CSNK1G3: variants seen among roughly 807,000 people sequenced by gnomAD.
CSNK1G3 encodes the protein casein kinase I isoform gamma-3.
CSNK1G3 carries 23 observed loss-of-function variants against 64.3 expected under a neutral mutation model. The observed-to-expected ratio is 0.36, with a 90% confidence interval of 0.26 to 0.51. The LOEUF is 0.51. CSNK1G3 is among the 20% of genes least tolerant of loss of function. CSNK1G3 has a pLI of 0.96. For synonymous variants in CSNK1G3, 158 were observed against 162.2 expected (o/e 0.97, Z 0.20); for missense variants, 357 against 510.5 (o/e 0.70, Z 2.90).
intron 6 of CSNK1G3, among the ~76,000 whole-genome samples, chr5:123,586,727 A>G (rs1402439042): frequency 1.3e-5 from 2 of 152,222 alleles, no homozygotes; most frequent in Admixed American, 6.5e-5. Flanking sequence ...AAACACAAAC[A>G]TAGTATCTTT....
At chr5:123,514,152 G>A (rs906099139) in intron 1 of CSNK1G3, among the ~76,000 whole-genome samples, 1 of 152,156 alleles carries the variant, frequency 6.6e-6, no homozygotes, top group Non-Finnish European at 1.5e-5. Flanking sequence ...TTAAATAGAA[G>A]TAATTATTGA....
intron 1 of CSNK1G3, among the ~76,000 whole-genome samples, chr5:123,541,285 C>CCT (rs1226758260): frequency 2.0e-5 from 3 of 151,992 alleles, no homozygotes; most frequent in Non-Finnish European, 4.4e-5. Context: ...ATGAAATGCA[C>CCT]CTCTGTAAAT....
At chr5:123,549,959 A>T (rs956472184) in intron 2 of CSNK1G3, among the ~76,000 whole-genome samples, 1 of 152,150 alleles carries the variant, frequency 6.6e-6, no homozygotes, top group African/African-American at 2.4e-5. Context: ...TTATTCCTAC[A>T]TAGCTAATAA....
Position 123,583,369 on chromosome 5 carries a change from T to C in CSNK1G3, c.674-4699T>C, listed in dbSNP as rs546864445. Among the ~76,000 whole-genome samples the C allele has an allele frequency of 1.6e-4, 25 of 152,092 alleles. No homozygotes were observed. The South Asian group carries it at 5.0e-3, about 30-fold the overall frequency. ...GAGTATAGAAATCCAGTTTTTTTTT[T>C]TTTTTTTTGAGACTGAGTTTCGCTC... On this transcript the variant is annotated intron_variant, in intron 6 of 12. Coordinates refer to ENST00000345990, the Ensembl canonical transcript of CSNK1G3.
intron 2 of CSNK1G3, among the ~76,000 whole-genome samples, chr5:123,547,030 G>T (rs1313178074): frequency 1.3e-5 from 2 of 152,108 alleles, no homozygotes; most frequent in African/African-American, 4.8e-5. Context: ...AGACTTTGGA[G>T]TTAGAGAAAA....
chr5:123,526,505 T>C (rs1051006315), intron 1 of CSNK1G3, among the ~76,000 whole-genome samples: 1 of 152,212 alleles, frequency 6.6e-6, no homozygotes, highest in Non-Finnish European at 1.5e-5. Flanking sequence ...AGTTTTTCTC[T>C]CTAAAATTCA....
chr5:123,517,878 C>T (rs1777443372), intron 1 of CSNK1G3, among the ~76,000 whole-genome samples: 1 of 149,040 alleles, frequency 6.7e-6, no homozygotes, highest in African/African-American at 2.5e-5. Context: ...AAAACATCAT[C>T]TTTCCTAGTT....
intron 4 of CSNK1G3, among the ~76,000 whole-genome samples, chr5:123,569,974 T>C (rs1787750298): frequency 6.6e-6 from 1 of 152,194 alleles, no homozygotes; most frequent in Non-Finnish European, 1.5e-5. Context: ...TCTTAAGGTT[T>C]TTGCCATTTC....
intron 10 of CSNK1G3, among the ~76,000 whole-genome samples, chr5:123,601,544 C>G (rs1001161886): frequency 3.3e-5 from 5 of 152,128 alleles, no homozygotes; most frequent in Non-Finnish European, 7.4e-5. Context: ...GGGTTTGAAA[C>G]ATTTCAATAA....
chr5:123,560,377 A>C (rs1785446350), intron 4 of CSNK1G3, among the ~76,000 whole-genome samples: 1 of 152,244 alleles, frequency 6.6e-6, no homozygotes, highest in African/African-American at 2.4e-5. Context: ...GGATATATAC[A>C]TAAAATAATT....
chr5:123,610,433 T>C (rs577780441), intron 12 of CSNK1G3, among the ~76,000 whole-genome samples: 2 of 152,204 alleles, frequency 1.3e-5, no homozygotes, highest in South Asian at 2.1e-4. Context: ...TGAGTCATCT[T>C]AGAAGGGATA....
chr5:123,547,741 CTATA>C (rs1350555589), intron 2 of CSNK1G3, among the ~76,000 whole-genome samples: 5 of 151,918 alleles, frequency 3.3e-5, no homozygotes, highest in Non-Finnish European at 7.4e-5. Context: ...TGTATTATCT[CTATA>C]TATCTGTGTT....
exon 3 of CSNK1G3, chr5:123,553,108 G>A: frequency 7.2e-7 from 1 of 1,385,778 alleles, no homozygotes; most frequent in Non-Finnish European, 9.7e-7. Flanking sequence ...TTTTTCAAGG[G>A]AAAAATTTAT....
intron 1 of CSNK1G3, among the ~76,000 whole-genome samples, chr5:123,517,146 A>G (rs560761379): frequency 1.1e-3 from 161 of 152,320 alleles, no homozygotes; most frequent in African/African-American, 3.6e-3. Flanking sequence ...GGAACACCCT[A>G]TTACAGGAAA....
chr5:123,549,101 A>C (rs1014217258), intron 2 of CSNK1G3, among the ~76,000 whole-genome samples: 1 of 152,196 alleles, frequency 6.6e-6, no homozygotes, highest in Non-Finnish European at 1.5e-5. Flanking sequence ...AAGTTGAAAT[A>C]TCTCAAATTG....
intron 1 of CSNK1G3, among the ~76,000 whole-genome samples, chr5:123,535,531 T>C (rs1322941169): frequency 1.3e-5 from 2 of 152,072 alleles, no homozygotes; most frequent in Non-Finnish European, 2.9e-5. Flanking sequence ...AATATTTTAA[T>C]TAAAATTCTA....
At chr5:123,598,194 G>A (rs1285493750) in intron 10 of CSNK1G3, among the ~76,000 whole-genome samples, 4 of 152,108 alleles carry the variant, frequency 2.6e-5, no homozygotes, top group African/African-American at 9.7e-5. Flanking sequence ...GGAATCAAGT[G>A]TGCCCCTCTC....
intron 4 of CSNK1G3, among the ~76,000 whole-genome samples, chr5:123,558,152 G>A (rs1380593902): frequency 1.3e-5 from 2 of 152,148 alleles, no homozygotes; most frequent in East Asian, 1.9e-4. Flanking sequence ...CGAAGACATT[G>A]ATTCAGACCA....
At chr5:123,518,826 GATAA>G (rs1315147922) in intron 1 of CSNK1G3, among the ~76,000 whole-genome samples, 1 of 152,168 alleles carries the variant, frequency 6.6e-6, no homozygotes, top group African/African-American at 2.4e-5. Flanking sequence ...TTAGAGAGAT[GATAA>G]ATAGTGATCG....
Sources: gnomAD v4.1 joint callset for allele counts (sites outside exome capture counted in the v4.1 genomes callset) on GRCh38, gnomAD v4.1.1 for gene constraint, MANE v1.5 for transcripts, NCBI Gene and HGNC (gene_info 2026-07-23, HGNC 2026-07-21) for gene names.